SGCD: variants seen among roughly 807,000 people sequenced by gnomAD.
The protein encoded by SGCD is sarcoglycan delta, also known as delta-sarcoglycan.
In SGCD, 18 loss-of-function variants were observed where a neutral mutation model predicts 36.6. The ratio of observed to expected loss-of-function variants is 0.49; its 90% CI spans 0.34 to 0.73. SGCD has a LOEUF of 0.73. Among genes scored for constraint, SGCD ranks in the 30% least tolerant of loss-of-function variants. The pLI, the probability that SGCD is intolerant of heterozygous loss-of-function variation, is 0.01. For synonymous variants in SGCD, 133 were observed against 130.6 expected, an observed-to-expected ratio of 1.02 and a Z score of -0.12; for missense variants, 387 against 346.7, an observed-to-expected ratio of 1.12 and a Z score of -0.92.
intron 1 of SGCD, among the ~76,000 whole-genome samples, chr5:155,952,986 A>G (rs1247192923): frequency 1.3e-5 from 2 of 152,192 alleles, no homozygotes; most frequent in African/African-American, 2.4e-5. Flanking sequence ...CGACCTTTAG[A>G]AACACTGAAA....
At chr5:156,486,840 C>T (rs1561727826) in intron 3 of SGCD, among the ~76,000 whole-genome samples, 1 of 152,126 alleles carries the variant, frequency 6.6e-6, no homozygotes, top group Non-Finnish European at 1.5e-5. Context: ...ACTTGGGGGC[C>T]TGGGAACTGG....
chr5:156,745,305 T>C (rs972234790), intron 7 of SGCD, among the ~76,000 whole-genome samples: 1 of 152,192 alleles, frequency 6.6e-6, no homozygotes, highest in Admixed American at 6.5e-5. Context: ...TAAATTTCTC[T>C]ACCACTTGAT....
chr5:156,399,035 T>A (rs1187680295), intron 3 of SGCD, among the ~76,000 whole-genome samples: 1 of 152,232 alleles, frequency 6.6e-6, no homozygotes, highest in Non-Finnish European at 1.5e-5. Flanking sequence ...ATTGGATTGC[T>A]ATGCTCCATT....
At chr5:155,924,812 A>G (rs1261334911) in intron 1 of SGCD, among the ~76,000 whole-genome samples, 1 of 152,212 alleles carries the variant, frequency 6.6e-6, no homozygotes, top group Non-Finnish European at 1.5e-5. Flanking sequence ...TGAAAATATT[A>G]AGGAAATGCA....
intron 1 of SGCD, among the ~76,000 whole-genome samples, chr5:156,003,443 T>A (rs548890153): frequency 2.0e-5 from 3 of 152,308 alleles, no homozygotes; most frequent in African/African-American, 7.2e-5. Context: ...TCAATTCTGA[T>A]GGAATTTATT....
At chr5:155,989,191 A>G (rs926826205) in intron 1 of SGCD, among the ~76,000 whole-genome samples, 1 of 152,188 alleles carries the variant, frequency 6.6e-6, no homozygotes, top group African/African-American at 2.4e-5. Flanking sequence ...AATCTTTTCT[A>G]TAGAGAATGA....
intron 3 of SGCD, among the ~76,000 whole-genome samples, chr5:156,155,482 G>A (rs1246025110): frequency 6.6e-6 from 1 of 151,402 alleles, no homozygotes; most frequent in African/African-American, 2.5e-5. Context: ...CACTGTGGAG[G>A]CCAAACAAAT....
At chr5:156,261,380 GT>G (rs1765858688) in intron 3 of SGCD, among the ~76,000 whole-genome samples, 1 of 152,300 alleles carries the variant, frequency 6.6e-6, no homozygotes, top group African/African-American at 2.4e-5. Flanking sequence ...ACACAAGGAT[GT>G]TGTAGTCAAT....
chr5:156,397,381 C>T (rs749434036), intron 3 of SGCD, among the ~76,000 whole-genome samples: 4 of 152,106 alleles, frequency 2.6e-5, no homozygotes, highest in Admixed American at 6.5e-5. Context: ...AATGTAAAAA[C>T]CATTCTTAGC....
At chr5:155,858,033 T>C in the SGCD span, among the ~76,000 whole-genome samples, 1 of 152,232 alleles carries the variant, frequency 6.6e-6, no homozygotes, top group Non-Finnish European at 1.5e-5. Context: ...TGTAGGCTTA[T>C]TAACTATAAC....
At chr5:156,214,819 C>T (rs2127642695) in intron 3 of SGCD, among the ~76,000 whole-genome samples, 2 of 152,080 alleles carry the variant, frequency 1.3e-5, no homozygotes, top group South Asian at 4.2e-4. Context: ...TGATCTTTGA[C>T]AAGGGTGCCA....
the SGCD span, among the ~76,000 whole-genome samples, chr5:155,747,671 G>T: frequency 1.3e-5 from 2 of 152,146 alleles, no homozygotes; most frequent in African/African-American, 4.8e-5. Flanking sequence ...TCAACATAAG[G>T]TAGCTATAGC....
At chr5:156,684,855 C>T (rs913164262) in intron 7 of SGCD, among the ~76,000 whole-genome samples, 27 of 152,072 alleles carry the variant, frequency 1.8e-4, no homozygotes, top group African/African-American at 6.3e-4. Flanking sequence ...GGATAATTTC[C>T]GGTTTTAGTT....
chr5:155,800,464 G>C, the SGCD span, among the ~76,000 whole-genome samples: 103 of 152,262 alleles, frequency 6.8e-4, 1 homozygote, highest in Admixed American at 1.6e-3. Context: ...TTGAGCTACT[G>C]ACCTTTTCTG....
At chr5:156,545,121 T>G (rs929802351) in intron 4 of SGCD, among the ~76,000 whole-genome samples, 2 of 152,218 alleles carry the variant, frequency 1.3e-5, no homozygotes, top group Non-Finnish European at 2.9e-5. Context: ...TAGTGACTTT[T>G]TTTGTTTGTT....
chr5:156,061,218 C>G (rs1352187206), intron 1 of SGCD, among the ~76,000 whole-genome samples: 1 of 144,788 alleles, frequency 6.9e-6, no homozygotes, highest in Admixed American at 6.9e-5. Context: ...CAGTGTTATC[C>G]AAACCATACA....
chr5:155,863,107 A>C, the SGCD span, among the ~76,000 whole-genome samples: 1 of 152,188 alleles, frequency 6.6e-6, no homozygotes, highest in Non-Finnish European at 1.5e-5. Context: ...CTGTGGCTTC[A>C]CTGAAGGCAG....
chr5:156,330,063 C>T (rs1256542405), intron 2 of SGCD, among the ~76,000 whole-genome samples: 1 of 148,940 alleles, frequency 6.7e-6, no homozygotes, highest in Non-Finnish European at 1.5e-5. Flanking sequence ...CATACTACAT[C>T]GTTGGTTGTA....
chr5:156,060,906 C>G (rs1475576828), intron 1 of SGCD, among the ~76,000 whole-genome samples: 2 of 145,034 alleles, frequency 1.4e-5, no homozygotes, highest in African/African-American at 5.0e-5. Flanking sequence ...AAAGGGCCAC[C>G]CAGATGTGTG....
Sources: allele counts gnomAD v4.1 joint callset (sites outside exome capture counted in the v4.1 genomes callset), GRCh38; gene constraint gnomAD v4.1.1; transcripts MANE v1.5; gene names NCBI Gene and HGNC (gene_info 2026-07-23, HGNC 2026-07-21).